Variants in PACS2 observed in about 807,000 individuals in gnomAD.
PACS2 encodes the protein phosphofurin acidic cluster sorting protein 2.
PACS2 carries 36 observed loss-of-function variants against 113.0 expected under a neutral mutation model. That is an observed-to-expected ratio of 0.32 (90% confidence interval 0.24 to 0.42). The LOEUF is 0.42. PACS2 is among the 10% of genes least tolerant of loss of function. PACS2 has a pLI of 1.00. For synonymous variants in PACS2, 589 were observed against 536.1 expected, an observed-to-expected ratio of 1.10 and a Z score of -1.36; for missense variants, 1,015 against 1,239.5, an observed-to-expected ratio of 0.82 and a Z score of 2.72.
rs2081345500 is a variant in PACS2 at position 105,391,253 on chromosome 14, AC to A, written c.2119+8del. On this transcript the variant is annotated splice_donor_5th_base_variant and intron_variant, in intron 21 of 24. Transcript: ENST00000447393. ...GAGCCATCCTCGGCCACATCAGGTA[AC>A]CCCGTCCCACCCTGAGGCCTTGTGA... 5.0e-6 allele frequency: 8 copies of A among 1,609,644 alleles called. No homozygotes were observed. The highest frequency in any genetic ancestry group is 5.1e-6 in the Non-Finnish European group (6 of 1,176,550).
rs1343841801 is a variant in PACS2 at position 105,355,939 on chromosome 14, G to A, written c.423+762G>A. 2.6e-5 allele frequency among the ~76,000 whole-genome samples: 4 copies of A among 152,162 alleles called. No individual in the cohort carries two copies. Among genetic ancestry groups the A allele is most frequent in the East Asian group, 1.9e-4 (1 of 5,182 alleles). On this transcript the variant is annotated intron_variant, in intron 4 of 24. Transcript: ENST00000447393. The surrounding 1 kb of genome is among the most constrained non-coding windows in gnomAD (Gnocchi z 4.1). ...CTTTTGCTTCAGAACTTTCCCCATC[G>A]TGGGGTTGTGTTCAGGGGTCCAGGG...
chr14:105,382,064 G>A lies in PACS2; in HGVS notation c.1413+6G>A. 6.5e-7 allele frequency: 1 copy of A among 1,546,470 alleles called. No homozygotes were observed. ...AGCTACAGGTGCAGCTGCAGGTGGG[G>A]GTGGAGGGCGTGGCACGCCCAGGAG... On this transcript the variant is annotated splice_donor_region_variant and intron_variant, in intron 13 of 24. Coordinates refer to ENST00000447393, the MANE Select transcript of PACS2 (RefSeq NM_001100913.3).
intron 22 of PACS2, 25 bp downstream of exon 22, chr14:105,391,791 C>T (rs782693459): frequency 4.5e-6 from 7 of 1,571,824 alleles, no homozygotes; most frequent in Non-Finnish European, 6.0e-6. Flanking sequence ...CGGCTCAGCA[C>T]GTTTCACTTA....
chr14:105,308,579 T>C (rs1173844679), intron 1 of PACS2, among the ~76,000 whole-genome samples: 2 of 148,548 alleles, frequency 1.3e-5, no homozygotes, highest in Admixed American at 6.8e-5. Flanking sequence ...GCCTCCTGGG[T>C]TCAAGTGATT....
At chr14:105,381,885 G>A in intron 12 of PACS2, 29 bp from the exon 13 acceptor site, 1 of 1,537,236 alleles carries the variant, frequency 6.5e-7, no homozygotes. Flanking sequence ...TGCTGCCACA[G>A]CCACTTAGCC....
intron 4 of PACS2, among the ~76,000 whole-genome samples, chr14:105,360,106 A>G (rs189242563): frequency 6.6e-6 from 1 of 152,372 alleles, no homozygotes; most frequent in African/African-American, 2.4e-5. Flanking sequence ...CCACCCCAAT[A>G]AAAACGGATA....
At chr14:105,311,705 G>T (rs186744718), upstream of PACS2, among the ~76,000 whole-genome samples, 1 of 152,204 alleles carries the variant, frequency 6.6e-6, no homozygotes, top group African/African-American at 2.4e-5. Context: ...AAGGGTGACC[G>T]TGGGAACTGT....
chr14:105,309,776 CTT>C (rs928875653), upstream of PACS2, among the ~76,000 whole-genome samples: 4,224 of 88,948 alleles, frequency 0.047, 314 homozygotes, highest in African/African-American at 0.21. The surrounding 1 kb of genome is among the most constrained non-coding windows in gnomAD (Gnocchi z 4.0). Context: ...TGATGTGTGT[CTT>C]TTTTTTTTTT....
intron 8 of PACS2, chr14:105,372,167 G>C (rs1257993145): frequency 1.3e-5 from 2 of 152,334 alleles, no homozygotes; most frequent in Non-Finnish European, 2.9e-5. Flanking sequence ...GAGGAGGAGA[G>C]CAGGGCTCTG....
At chr14:105,344,328 T>G (rs76184329) in intron 1 of PACS2, among the ~76,000 whole-genome samples, 5 of 151,992 alleles carry the variant, frequency 3.3e-5, no homozygotes, top group African/African-American at 9.7e-5. Context: ...TCTCACTCTG[T>G]CCCCCAGGCT....
upstream of PACS2, among the ~76,000 whole-genome samples, chr14:105,309,808 C>A (rs929591255): frequency 9.3e-6 from 1 of 107,988 alleles, no homozygotes; most frequent in African/African-American, 3.9e-5. This position sits in a 1 kb window ranked among gnomAD's most constrained non-coding sequence, Gnocchi z 4.0. Context: ...TTTTTTTAGA[C>A]GGAGTCTCAC....
chr14:105,385,006 G>GCA lies in PACS2; in HGVS notation c.2000+21_2000+22dup. The GCA allele has an allele frequency of 2.1e-6, 3 of 1,436,720 alleles. No homozygotes were observed. Among genetic ancestry groups the GCA allele is most frequent in the Non-Finnish European group, 2.9e-6 (3 of 1,042,084 alleles). The allele number at this position is 1,436,720 out of a possible 1,614,324, so 89.0% of individuals were successfully genotyped here. On this transcript the variant is annotated intron_variant, in intron 18 of 24. Transcript: ENST00000447393. ...AGAAGAGGTAACGCGGTGGGCCCAG[G>GCA]CACCATACCACAGGCTGCCGCCAGC...
In PACS2 at chr14:105,384,888, C is replaced by G; in HGVS notation, c.1901C>G (p.Thr634Arg). 6.3e-7 allele frequency: 1 copy of G among 1,582,784 alleles called. No homozygotes were observed. Residue 634 changes from threonine to arginine, a missense_variant, in exon 18 of 25, where the codon ACG (threonine) becomes AGG (arginine). By Grantham distance (71) the Thr-to-Arg change is moderately conservative. This residue lies in a region of PACS2 where 859 missense variants were observed against 1,056.8 expected (regional missense o/e 0.81). Coordinates refer to ENST00000447393, the MANE Select transcript of PACS2 (RefSeq NM_001100913.3). The stretch of plus-strand genomic sequence containing the variant: ...CCTCCTCCCCCTGCAGTACAGGACA[C>G]GCCAGACATTGTGTCACGCATCACG... Reference protein sequence around the residue: ...KLEAQSAVQDTPDIVSRITQY... With the variant: ...KLEAQSAVQDRPDIVSRITQY...
In PACS2 at chr14:105,392,637, G is replaced by A; in HGVS notation, c.2274G>A (p.Glu758=). The change falls in exon 23 of 25, where the codon GAG becomes GAA. Residue 758 remains glutamate (E), a synonymous_variant. Coordinates refer to ENST00000447393, the MANE Select transcript of PACS2 (RefSeq NM_001100913.3). The part of the protein sequence containing the change: ...LSSPSQGVGA[E]LMGLQVDYWT... ...TTCCCAGCCAGGGTGTCGGCGCCGAGCTGATGGGGCTGCAGGTGGACTACT... is the reference window on the plus strand; with the variant it reads ...TTCCCAGCCAGGGTGTCGGCGCCGAACTGATGGGGCTGCAGGTGGACTACT... 1 of 1,610,074 alleles carries A rather than the reference G, an allele frequency of 6.2e-7. No individual in the cohort carries two copies. Among genetic ancestry groups the A allele is most frequent in the Non-Finnish European group, 8.5e-7 (1 of 1,178,758 alleles).
intron 4 of PACS2, among the ~76,000 whole-genome samples, chr14:105,359,160 G>A (rs1162864466): frequency 3.3e-5 from 5 of 151,996 alleles, no homozygotes; most frequent in East Asian, 1.9e-4. Context: ...GCGGCGGTGC[G>A]TGGTGACCTC....
At chr14:105,381,155 C>T (rs587743404) in intron 12 of PACS2, 56 bp downstream of exon 12, 60 of 1,518,064 alleles carry the variant, frequency 4.0e-5, no homozygotes, top group South Asian at 1.3e-4. Context: ...GGGGAGGGGC[C>T]GTCACGGGCA....
At chr14:105,368,693 C>T (rs2061039517) in intron 7 of PACS2, among the ~76,000 whole-genome samples, 154 bp downstream of exon 7, 1 of 152,214 alleles carries the variant, frequency 6.6e-6, no homozygotes. Context: ...TTGCCAGTCT[C>T]CTGCCGGGTG....
At chr14:105,311,942 G>A (rs1365605355), upstream of PACS2, among the ~76,000 whole-genome samples, 1 of 152,224 alleles carries the variant, frequency 6.6e-6, no homozygotes, top group Non-Finnish European at 1.5e-5. Flanking sequence ...AGCATGGGCT[G>A]GGCAGGGACC....
At chr14:105,389,237 CT>C (rs1265056344) in intron 19 of PACS2, 2 of 152,564 alleles carry the variant, frequency 1.3e-5, no homozygotes, top group Non-Finnish European at 2.9e-5. Flanking sequence ...TGTGACCAGA[CT>C]TCCAGGAGAG....
Sources: gnomAD v4.1 joint callset for allele counts (sites outside exome capture counted in the v4.1 genomes callset) on GRCh38, gnomAD v4.1.1 for gene constraint, gnomAD v4.1.1 regional missense constraint, Gnocchi (gnomAD v3.1) non-coding constraint, MANE v1.5 for transcripts, NCBI Gene and HGNC (gene_info 2026-07-23, HGNC 2026-07-21) for gene names.